MCM6: variants seen among roughly 807,000 people sequenced by gnomAD.
MCM6 encodes DNA replication licensing factor MCM6.
A neutral mutation model predicts 94.3 loss-of-function variants in MCM6; 46 were observed. The ratio of observed to expected loss-of-function variants is 0.49; its 90% confidence interval spans 0.39 to 0.62. MCM6 has a LOEUF of 0.62. Among genes scored for constraint, MCM6 ranks in the 20% least tolerant of loss-of-function variants. The pLI is 0.00. For missense variants in MCM6, 865 were observed against 1,017.9 expected (o/e 0.85, Z 2.04); for synonymous variants, 335 against 351.9 (o/e 0.95, Z 0.54).
At position 135,840,740 on chromosome 2, in the gene MCM6, G is replaced by C; in HGVS notation, c.*95C>G. On this transcript the variant is annotated 3_prime_UTR_variant, in exon 17 of 17. Coordinates refer to ENST00000264156, the MANE Select transcript of MCM6 (RefSeq NM_005915.6). ...ACAAATCCTGGAAGCATCACTTCCA[G>C]AAACACTTCTGTCCCTAGCAGAGCT... 5 of 798,088 alleles carry C rather than the reference G, an allele frequency of 6.3e-6. No individual in the cohort carries two copies. The highest frequency in any genetic ancestry group is 4.3e-5 in the Admixed American group (2 of 46,582). 49.4% of individuals were successfully genotyped at this position (798,088 alleles called of 1,614,324 possible).
intron 4 of MCM6, 37 bp from the exon 5 acceptor site, chr2:135,866,765 G>A (rs1428168935): frequency 1.3e-6 from 2 of 1,529,976 alleles, no homozygotes; most frequent in Non-Finnish European, 8.8e-7. Flanking sequence ...AGAATGAGAA[G>A]CAATACCTTT....
chr2:135,858,315 C>T (rs755942669), intron 9 of MCM6, among the ~76,000 whole-genome samples: 36 of 152,034 alleles, frequency 2.4e-4, no homozygotes, highest in Admixed American at 1.2e-3. Context: ...GGTGAAACCC[C>T]GTCTCTACTG....
At chr2:135,863,352 C>T (rs1334487824) in intron 7 of MCM6, among the ~76,000 whole-genome samples, 1 of 152,208 alleles carries the variant, frequency 6.6e-6, no homozygotes, top group African/African-American at 2.4e-5. Flanking sequence ...TTCTGTGGAA[C>T]TGTCGACTCT....
At position 135,864,369 on chromosome 2, in the gene MCM6, C is replaced by T. The variant is rs981132164; in HGVS notation, c.1078+644G>A. Reference sequence around the variant, plus strand: ...AAACAAGAGCCAATGTGGTGACCTACACCTGTAATCCCAGCTACTGGGGAG... The same window carrying T: ...AAACAAGAGCCAATGTGGTGACCTATACCTGTAATCCCAGCTACTGGGGAG... On this transcript the variant is annotated intron_variant, in intron 7 of 16. Coordinates refer to ENST00000264156, the MANE Select transcript of MCM6 (RefSeq NM_005915.6). 6.6e-5 allele frequency among the ~76,000 whole-genome samples: 10 copies of T among 152,280 alleles called. No homozygotes were observed. The East Asian group carries it at 1.9e-3, about 29-fold the overall frequency.
In MCM6 at chr2:135,846,218, A is replaced by C; in HGVS notation, c.2209+19T>G. On this transcript the variant is annotated intron_variant, in intron 15 of 16. Coordinates refer to ENST00000264156, the MANE Select transcript of MCM6 (RefSeq NM_005915.6). ...TACAGAAGTGACCGAGCATGTAAGC[A>C]GTACCAGGTAAGCCTCACCTTCTTC... The C allele has an allele frequency of 6.2e-7, 1 of 1,612,786 alleles. No homozygotes were observed. The highest frequency in any genetic ancestry group is 1.8e-4 in the Middle Eastern group (1 of 5,662).
chr2:135,840,650 T>C lies in MCM6; in HGVS notation c.*185A>G. ...ACACCAAAGGAAGTGCTGAAGCCTG[T>C]GTTGGTATGAAACCTGTGATGAATG... On this transcript the variant is annotated 3_prime_UTR_variant, in exon 17 of 17. Coordinates refer to ENST00000264156, the MANE Select transcript of MCM6 (RefSeq NM_005915.6). 3.5e-6 allele frequency: 2 copies of C among 564,824 alleles called. No individual in the cohort carries two copies. The highest frequency in any genetic ancestry group is 4.3e-5 in the South Asian group (2 of 46,778). The allele number at this position is 564,824 out of a possible 1,614,324, so 35.0% of individuals were successfully genotyped here.
At chr2:135,844,235 A>T (rs1679631149) in intron 16 of MCM6, among the ~76,000 whole-genome samples, 1 of 152,186 alleles carries the variant, frequency 6.6e-6, no homozygotes, top group Non-Finnish European at 1.5e-5. Flanking sequence ...AAAATGAAAC[A>T]TAGAAAGTAG....
At chr2:135,857,445 T>C (rs1053687207) in intron 10 of MCM6, among the ~76,000 whole-genome samples, 1 of 152,158 alleles carries the variant, frequency 6.6e-6, no homozygotes, top group Non-Finnish European at 1.5e-5. Flanking sequence ...TTGCTGGGAG[T>C]TGCAGGGAAA....
intron 7 of MCM6, among the ~76,000 whole-genome samples, chr2:135,864,760 T>C (rs1260315417): frequency 6.6e-6 from 1 of 152,212 alleles, no homozygotes; most frequent in Non-Finnish European, 1.5e-5. Flanking sequence ...ATAGCAACTT[T>C]ATCCATTAAA....
chr2:135,867,541 T>A (rs1680121269), intron 4 of MCM6, among the ~76,000 whole-genome samples: 1 of 152,220 alleles, frequency 6.6e-6, no homozygotes, highest in Non-Finnish European at 1.5e-5. Flanking sequence ...ATTCATCTGA[T>A]AATAATTATT....
At chr2:135,859,193 G>A in intron 9 of MCM6, 108 bp downstream of exon 9, 2 of 933,270 alleles carry the variant, frequency 2.1e-6, no homozygotes, top group Non-Finnish European at 3.2e-6. Flanking sequence ...GCGCCCAGCT[G>A]AGAATGCTGT....
At chr2:135,856,625 G>T in intron 11 of MCM6, 103 bp downstream of exon 11, 1 of 1,177,244 alleles carries the variant, frequency 8.5e-7, no homozygotes, top group East Asian at 2.5e-5. Context: ...GGAAATCAAA[G>T]GCTGGTGCAC....
intron 16 of MCM6, among the ~76,000 whole-genome samples, chr2:135,843,540 C>A (rs1392457237): frequency 6.6e-6 from 1 of 151,834 alleles, no homozygotes; most frequent in African/African-American, 2.4e-5. Context: ...CTAGATCAGC[C>A]TGGCCAACAT....
In MCM6 at chr2:135,840,621, A is replaced by G. The variant is rs142645038; in HGVS notation, c.*214T>C. 2,083 of 518,954 alleles carry G rather than the reference A, an allele frequency of 4.0e-3. 5 individuals carry two copies. The highest frequency in any genetic ancestry group is 6.0e-3 in the Admixed American group (180 of 29,822). The allele number at this position is 518,954 out of a possible 1,614,324, so 32.1% of individuals were successfully genotyped here. On this transcript the variant is annotated 3_prime_UTR_variant, in exon 17 of 17. Transcript: ENST00000264156. ...TTGGTTCCAACTTCACTGGGACAGG[A>G]AACACACCAAAGGAAGTGCTGAAGC...
chr2:135,868,558 A>T, intron 4 of MCM6, 53 bp downstream of exon 4: 1 of 1,576,384 alleles, frequency 6.3e-7, no homozygotes, highest in Non-Finnish European at 8.7e-7. Flanking sequence ...AGGGCCTAGA[A>T]GTGAATTATT....
intron 11 of MCM6, among the ~76,000 whole-genome samples, chr2:135,854,037 G>A (rs1394162585): frequency 6.6e-6 from 1 of 152,148 alleles, no homozygotes; most frequent in Non-Finnish European, 1.5e-5. Flanking sequence ...GACCAGTCCA[G>A]GCAACACGGC....
chr2:135,847,019 A>C (rs1005002376), intron 14 of MCM6, among the ~76,000 whole-genome samples: 2 of 152,082 alleles, frequency 1.3e-5, no homozygotes, highest in African/African-American at 4.8e-5. Flanking sequence ...ATAAAAAAAA[A>C]CAAAAAACAA....
intron 8 of MCM6, among the ~76,000 whole-genome samples, chr2:135,859,858 C>T (rs2105584109): frequency 6.6e-6 from 1 of 152,092 alleles, no homozygotes; most frequent in East Asian, 1.9e-4. Context: ...GGCTGGAGTA[C>T]AGTGGTGTGA....
chr2:135,865,386 G>A (rs1340370209), intron 6 of MCM6, among the ~76,000 whole-genome samples: 1 of 152,142 alleles, frequency 6.6e-6, no homozygotes, highest in African/African-American at 2.4e-5. Context: ...TAGAAAAAAA[G>A]CTACCTGAAT....
Sources: allele counts gnomAD v4.1 joint callset (sites outside exome capture counted in the v4.1 genomes callset), GRCh38; gene constraint gnomAD v4.1.1; transcripts MANE v1.5; gene names NCBI Gene and HGNC (gene_info 2026-07-23, HGNC 2026-07-21).